PJVK: variants seen among roughly 807,000 people sequenced by gnomAD.
PJVK encodes pejvakin, also known as autosomal recessive deafness type 59 protein.
In PJVK, 33 loss-of-function variants were observed where a neutral mutation model predicts 37.6. That is an observed-to-expected ratio of 0.88 (90% CI 0.67 to 1.17). The LOEUF (loss-of-function observed/expected upper bound fraction) is 1.17. Ranked by LOEUF, PJVK falls within the 50% of genes most tolerant of loss-of-function variation. The pLI is 0.00. For synonymous variants in PJVK, 141 were observed against 143.5 expected (o/e 0.98, Z 0.13); for missense variants, 410 against 413.8 (o/e 0.99, Z 0.08).
At chr2:178,452,533 C>G (rs1697751645) in intron 1 of PJVK, 1 of 985,242 alleles carries the variant, frequency 1.0e-6, no homozygotes, top group Admixed American at 6.1e-5. Flanking sequence ...TATATGAACT[C>G]CGCATAACAC....
chr2:178,460,529 A>C, intron 6 of PJVK, 83 bp downstream of exon 6: 155 of 1,279,546 alleles, frequency 1.2e-4, no homozygotes, highest in Non-Finnish European at 1.6e-4. Flanking sequence ...CAGTAATCTC[A>C]TCTGTTAAGG....
At position 178,453,466 on chromosome 2, in the gene PJVK, A is replaced by C; in HGVS notation, c.57A>C (p.Leu19Phe). 6.2e-6 allele frequency: 10 copies of C among 1,614,174 alleles called. No individual in the cohort carries two copies. Among genetic ancestry groups the C allele is most frequent in the Non-Finnish European group, 8.5e-6 (10 of 1,180,018 alleles). Residue 19 changes from leucine (L) to phenylalanine (F), a missense_variant, in exon 2 of 7, where the codon TTA becomes TTC. Physicochemically the swap from Leu to Phe is conservative, Grantham distance 22 (BLOSUM62 0). Transcript: ENST00000644580. Reference sequence around the variant, plus strand: ...AGCAAGTTGGAGATGGAGGGAGATTAGTTCCTGTTCCAAGCCTCAGTGAAG... The same window carrying C: ...AGCAAGTTGGAGATGGAGGGAGATTCGTTCCTGTTCCAAGCCTCAGTGAAG... ...FVKQVGDGGRLVPVPSLSEAD... is the reference protein window; with the variant it reads ...FVKQVGDGGRFVPVPSLSEAD...
chr2:178,460,972 G>C lies in PJVK; in HGVS notation c.767-10G>C, dbSNP rs756193143. On this transcript the variant is annotated splice_polypyrimidine_tract_variant and intron_variant, in intron 6 of 6. Transcript: ENST00000644580. ...TCTAACACATTTCTTTTCTGTTTTT[G>C]TCCTTTTAGATAGAAGAGTGATGGA... 6.3e-7 allele frequency: 1 copy of C among 1,588,650 alleles called. No individual in the cohort carries two copies.
chr2:178,459,362 A>G lies in PJVK; in HGVS notation c.667+735A>G, dbSNP rs1011945723. The G allele has an allele frequency of 2.9e-5, 10 of 339,706 alleles. No individual in the cohort carries two copies. The Admixed American group carries it at 3.9e-4, about 13-fold the overall frequency. The allele number at this position is 339,706 out of a possible 1,614,324, so 21.0% of individuals were successfully genotyped here. ...GAGTCCAGAAACAAAACAAAACTAC[A>G]TGTTAAGTAAATTGTCTTTTTAAAA... is the stretch of plus-strand genomic sequence containing the variant. On this transcript the variant is annotated intron_variant, in intron 5 of 6. Transcript: ENST00000644580.
At chr2:178,452,462 C>T (rs1025322347) in intron 1 of PJVK, 5 of 985,202 alleles carry the variant, frequency 5.1e-6, no homozygotes, top group Non-Finnish European at 6.0e-6. Flanking sequence ...ATATAGATTA[C>T]TATCCATCAC....
chr2:178,457,701 G>C (rs1375644709), intron 4 of PJVK, among the ~76,000 whole-genome samples: 1 of 152,170 alleles, frequency 6.6e-6, no homozygotes, highest in Non-Finnish European at 1.5e-5. Flanking sequence ...CTCAGCTGAC[G>C]ACCATGGGCT....
chr2:178,451,894 C>T (rs1697691680), intron 1 of PJVK, 125 bp downstream of exon 1: 14 of 967,808 alleles, frequency 1.4e-5, no homozygotes, highest in Non-Finnish European at 1.7e-5. Flanking sequence ...TGACGTGTCG[C>T]TTCTCCAGGG....
rs539230447 is a variant in PJVK at position 178,456,064 on chromosome 2, A to G, written c.462A>G (p.Ala154=). The G allele has an allele frequency of 7.7e-5, 125 of 1,614,242 alleles. 1 individual carries two copies. The South Asian group carries it at 1.3e-3, about 17-fold the overall frequency. The part of the protein sequence containing the change: ...LIRQSRSSRK[A]VLCVVMESIR... ...GTCAGTCAAGGAGCAGCAGAAAGGC[A>G]GTATTGTGTGTGGTCATGGAGAGCA... The change falls in exon 4 of 7, where the codon GCA becomes GCG. Residue 154 remains alanine, a synonymous_variant. Coordinates refer to ENST00000644580, the MANE Select transcript of PJVK (RefSeq NM_001042702.5).
intron 3 of PJVK, chr2:178,455,163 A>T: frequency 6.2e-7 from 1 of 1,600,266 alleles, no homozygotes; most frequent in South Asian, 1.1e-5. Flanking sequence ...GTGACTGTGC[A>T]TCTGGAGAAG....
chr2:178,455,495 T>C, intron 3 of PJVK: 1 of 960,820 alleles, frequency 1.0e-6, no homozygotes, highest in Admixed American at 1.7e-5. Context: ...TTCCCACTCT[T>C]CTCTGGGACT....
Position 178,461,663 on chromosome 2 carries a change from C to A in PJVK, c.*389C>A, listed in dbSNP as rs1684517491. 6.7e-6 allele frequency among the ~76,000 whole-genome samples: 1 copy of A among 149,156 alleles called. No individual in the cohort carries two copies. The highest frequency in any genetic ancestry group is 1.5e-5 in the Non-Finnish European group (1 of 67,776). ...ACAGTGGCATGATCTCAGCTCACTG[C>A]AACCTCTGCCTCCTGGGTTCAAGCA... On this transcript the variant is annotated 3_prime_UTR_variant, in exon 7 of 7. Transcript: ENST00000644580.
intron 3 of PJVK, 72 bp downstream of exon 3, chr2:178,454,599 G>C (rs961912008): frequency 1.3e-6 from 2 of 1,511,696 alleles, no homozygotes; most frequent in East Asian, 4.8e-5. Flanking sequence ...TCATTACAAA[G>C]AATGCTTAAA....
At chr2:178,452,502 T>C in intron 1 of PJVK, 1 of 985,378 alleles carries the variant, frequency 1.0e-6, no homozygotes, top group African/African-American at 1.7e-5. Context: ...TTGGAAGGGC[T>C]ACATAGTCAG....
At chr2:178,455,278 GACTC>G in intron 3 of PJVK, 1 of 1,429,176 alleles carries the variant, frequency 7.0e-7, no homozygotes. Flanking sequence ...TGGACAGTGA[GACTC>G]ACATCATGGT....
At chr2:178,460,760 G>T (rs1684442381) in intron 6 of PJVK, among the ~76,000 whole-genome samples, 1 of 146,628 alleles carries the variant, frequency 6.8e-6, no homozygotes, top group Non-Finnish European at 1.5e-5. Context: ...GAGGTAGGAG[G>T]ATCACTTGAG....
At chr2:178,457,713 C>T (rs528586191) in intron 4 of PJVK, among the ~76,000 whole-genome samples, 3 of 152,262 alleles carry the variant, frequency 2.0e-5, no homozygotes, top group Admixed American at 1.3e-4. Context: ...CCATGGGCTT[C>T]GCGTCCAACC....
At chr2:178,456,367 G>C in intron 4 of PJVK, 1 of 587,690 alleles carries the variant, frequency 1.7e-6, no homozygotes, top group Non-Finnish European at 3.0e-6. Flanking sequence ...TGCAAAAACA[G>C]TAATCCTTGT....
At chr2:178,454,822 A>G in intron 3 of PJVK, 1 of 1,346,772 alleles carries the variant, frequency 7.4e-7, no homozygotes, top group Non-Finnish European at 1.1e-6. Flanking sequence ...CATGAGGCCC[A>G]GATCAAGAAT....
At position 178,451,766 on chromosome 2, in the gene PJVK, C is replaced by G. The variant is rs1697679607; in HGVS notation, c.-26C>G. 1.0e-6 allele frequency: 1 copy of G among 985,322 alleles called. No individual in the cohort carries two copies. Among genetic ancestry groups the G allele is most frequent in the Admixed American group, 6.1e-5 (1 of 16,266 alleles). 61.0% of individuals were successfully genotyped at this position (985,322 alleles called of 1,614,324 possible). ...TGGGCTTTCGTCGCGAGATGGAACG[C>G]TGGGTCAGTGCATCCCAGCAAAACA... On this transcript the variant is annotated 5_prime_UTR_variant, in exon 1 of 7. Coordinates refer to ENST00000644580, the MANE Select transcript of PJVK (RefSeq NM_001042702.5).
Sources: allele counts gnomAD v4.1 joint callset (sites outside exome capture counted in the v4.1 genomes callset), GRCh38; gene constraint gnomAD v4.1.1; transcripts MANE v1.5; gene names NCBI Gene and HGNC (gene_info 2026-07-23, HGNC 2026-07-21).